Variants in NRXN3 observed in about 807,000 individuals in gnomAD.
NRXN3 encodes neurexin 3, also known as neurexin III.
Under a neutral mutation model 137.6 loss-of-function variants are expected in NRXN3, and 32 were observed. That is an observed-to-expected ratio of 0.23 (90% CI 0.18 to 0.31). NRXN3 has a LOEUF of 0.31. Among genes scored for constraint, NRXN3 ranks in the 10% least tolerant of loss-of-function variants. NRXN3 has a pLI of 1.00. For synonymous variants in NRXN3, 798 were observed against 784.5 expected (o/e 1.02, Z -0.29); for missense variants, 1,574 against 2,062.5 (o/e 0.76, Z 4.59).
At chr14:78,591,210 T>C (rs571270760) in intron 4 of NRXN3, among the ~76,000 whole-genome samples, 15 of 152,240 alleles carry the variant, frequency 9.9e-5, no homozygotes, top group African/African-American at 3.6e-4. Context: ...TTAGCAGAGA[T>C]TTCCTGCTGA....
chr14:79,599,199 A>G (rs2097895841), intron 16 of NRXN3, among the ~76,000 whole-genome samples: 1 of 152,214 alleles, frequency 6.6e-6, no homozygotes, highest in Non-Finnish European at 1.5e-5. Context: ...AGCCACAATC[A>G]TAACTACAGG....
intron 10 of NRXN3, among the ~76,000 whole-genome samples, chr14:78,855,898 C>T (rs1334959762): frequency 6.6e-6 from 1 of 152,116 alleles, no homozygotes; most frequent in Admixed American, 6.5e-5. Context: ...AAAGATTTTC[C>T]TGTAAAAATG....
At chr14:79,126,420 C>A (rs367903823) in intron 15 of NRXN3, among the ~76,000 whole-genome samples, 13 of 145,986 alleles carry the variant, frequency 8.9e-5, no homozygotes, top group South Asian at 2.2e-4. Context: ...TGAGAATATG[C>A]GGTGTTTGGT....
intron 15 of NRXN3, among the ~76,000 whole-genome samples, chr14:79,217,310 G>A (rs1410500172): frequency 6.6e-6 from 1 of 152,164 alleles, no homozygotes; most frequent in Non-Finnish European, 1.5e-5. Context: ...GAGAGCAGGA[G>A]CAAGAGGAGT....
intron 8 of NRXN3, among the ~76,000 whole-genome samples, chr14:78,725,917 A>G (rs2098481052): frequency 6.6e-6 from 1 of 152,134 alleles, no homozygotes; most frequent in Non-Finnish European, 1.5e-5. Context: ...GATATGTGCT[A>G]TTTTCATTCT....
chr14:79,280,671 C>A, intron 15 of NRXN3: 1 of 943,708 alleles, frequency 1.1e-6, no homozygotes, highest in Non-Finnish European at 1.6e-6. Flanking sequence ...CATCGTATGT[C>A]CATGAGGGAA....
At chr14:79,175,943 G>A (rs889492118) in intron 15 of NRXN3, among the ~76,000 whole-genome samples, 3 of 152,224 alleles carry the variant, frequency 2.0e-5, no homozygotes, top group African/African-American at 7.2e-5. Context: ...CTCTGTAGTA[G>A]CGCTCTAGGC....
intron 19 of NRXN3, among the ~76,000 whole-genome samples, chr14:79,700,629 G>C (rs573764697): frequency 6.6e-6 from 1 of 152,196 alleles, no homozygotes; most frequent in East Asian, 1.9e-4. Context: ...ACCTGAGGTA[G>C]TGTTGATTTC....
chr14:78,533,364 A>G lies in NRXN3; in HGVS notation c.758-111756A>G, dbSNP rs192130104. Among the ~76,000 whole-genome samples, 113 of 152,028 alleles carry G rather than the reference A, an allele frequency of 7.4e-4. 1 individual carries two copies. Among genetic ancestry groups the G allele is most frequent in the Middle Eastern group, 3.4e-3 (1 of 292 alleles). On this transcript the variant is annotated intron_variant, in intron 4 of 20. Transcript: ENST00000335750. ...GCCTCCCAACCTCCAGCTCTCTTCT[A>G]GTTGTTTATCCTCCTGTATCACTAG... is the stretch of plus-strand genomic sequence containing the variant.
intron 20 of NRXN3, among the ~76,000 whole-genome samples, chr14:79,830,361 T>C (rs371624734): frequency 6.6e-6 from 1 of 152,188 alleles, no homozygotes; most frequent in Non-Finnish European, 1.5e-5. Flanking sequence ...TGACTCTGGA[T>C]AGTGAACAAA....
intron 19 of NRXN3, among the ~76,000 whole-genome samples, chr14:79,799,718 C>T (rs1443582545): frequency 6.6e-6 from 1 of 152,192 alleles, no homozygotes; most frequent in African/African-American, 2.4e-5. Flanking sequence ...TGTCTCACCA[C>T]TGCCTGTCCC....
chr14:79,241,753 A>G (rs2074339866), intron 15 of NRXN3, among the ~76,000 whole-genome samples: 1 of 152,146 alleles, frequency 6.6e-6, no homozygotes, highest in Non-Finnish European at 1.5e-5. Context: ...AAACTTTTAC[A>G]TGCTTTACAT....
intron 10 of NRXN3, among the ~76,000 whole-genome samples, chr14:78,843,211 A>C (rs2099017511): frequency 6.6e-6 from 1 of 152,112 alleles, no homozygotes; most frequent in African/African-American, 2.4e-5. Context: ...GGAACTAATA[A>C]ATGTCCATGA....
At chr14:78,718,738 C>G (rs1203177681) in intron 8 of NRXN3, among the ~76,000 whole-genome samples, 1 of 152,110 alleles carries the variant, frequency 6.6e-6, no homozygotes, top group African/African-American at 2.4e-5. Flanking sequence ...TGTTGCTATT[C>G]TAAGATGTAG....
chr14:79,290,044 A>G (rs2082916439), intron 15 of NRXN3, among the ~76,000 whole-genome samples: 1 of 152,022 alleles, frequency 6.6e-6, no homozygotes, highest in African/African-American at 2.4e-5. Flanking sequence ...TTAAAACATA[A>G]CCATGTGTAT....
chr14:79,805,057 CTCTCTCTCT>C (rs945174832), intron 19 of NRXN3, 46 bp from the exon 20 acceptor site: 9 of 1,197,046 alleles, frequency 7.5e-6, no homozygotes, highest in African/African-American at 1.5e-5. Context: ...GTTTCCTTAT[CTCTCTCTCT>C]TCTCTCTCTT....
At chr14:78,696,787 T>C (rs2098230503) in intron 6 of NRXN3, among the ~76,000 whole-genome samples, 1 of 152,056 alleles carries the variant, frequency 6.6e-6, no homozygotes, top group Non-Finnish European at 1.5e-5. Context: ...CACATTTGGA[T>C]TAAATAGTCT....
At chr14:78,705,289 T>C (rs1454252159) in intron 6 of NRXN3, among the ~76,000 whole-genome samples, 1 of 152,234 alleles carries the variant, frequency 6.6e-6, no homozygotes, top group East Asian at 1.9e-4. Flanking sequence ...ACAGAGAACA[T>C]TGTACCAGAC....
At chr14:79,619,644 G>T (rs909194062) in intron 16 of NRXN3, among the ~76,000 whole-genome samples, 6 of 151,960 alleles carry the variant, frequency 3.9e-5, no homozygotes, top group Admixed American at 6.6e-5. Flanking sequence ...CTTCTCATAT[G>T]ATTTTTACTC....
Sources: allele counts gnomAD v4.1 joint callset (sites outside exome capture counted in the v4.1 genomes callset), GRCh38; gene constraint gnomAD v4.1.1; transcripts MANE v1.5; gene names NCBI Gene and HGNC (gene_info 2026-07-23, HGNC 2026-07-21).